The following PTPRD variants were observed in gnomAD, a reference collection of about 807,000 sequenced individuals.
The protein encoded by PTPRD is receptor-type tyrosine-protein phosphatase delta.
A neutral mutation model predicts 214.5 loss-of-function variants in PTPRD; 34 were observed. That is an observed-to-expected ratio of 0.16 (90% confidence interval 0.12 to 0.21). PTPRD has a LOEUF of 0.21. PTPRD is among the 10% of genes least tolerant of loss of function. The pLI, the probability that PTPRD is intolerant of heterozygous loss-of-function variation, is 1.00. For synonymous variants in PTPRD, 1,128 were observed against 845.7 expected (o/e 1.33, Z -5.79); for missense variants, 2,545 against 2,398.7 (o/e 1.06, Z -1.27).
rs574212141 is a variant in PTPRD at position 8,903,639 on chromosome 9, G to A, written c.-104+115058C>T. The stretch of plus-strand genomic sequence containing the variant: ...TTGTAAACCTCCTTAAAATAAAAAC[G>A]AATAAAAATATTTCAATGCTACATA... On this transcript the variant is annotated intron_variant, in intron 11 of 45. Transcript: ENST00000381196. 4.7e-4 allele frequency among the ~76,000 whole-genome samples: 72 copies of A among 152,082 alleles called. No individual in the cohort carries two copies. In the South Asian group the frequency reaches 0.013, roughly 28 times the overall value.
At chr9:9,062,409 A>C (rs1248504638) in intron 10 of PTPRD, among the ~76,000 whole-genome samples, 1 of 152,182 alleles carries the variant, frequency 6.6e-6, no homozygotes, top group African/African-American at 2.4e-5. Flanking sequence ...AGAAATTAAT[A>C]ATTTCTTCAA....
At position 10,563,976 on chromosome 9, in the gene PTPRD, G is replaced by A. The variant is rs1266771102; in HGVS notation, c.-600+48422C>T. Among the ~76,000 whole-genome samples, 3 of 151,408 alleles carry A rather than the reference G, an allele frequency of 2.0e-5. No homozygotes were observed. The East Asian group carries it at 5.8e-4, about 29-fold the overall frequency. ...CCACTTATTTTGAAACATCATCTGTGCCAGTTGTTTCCCCTACCTACATCC... is the reference window on the plus strand; with the variant it reads ...CCACTTATTTTGAAACATCATCTGTACCAGTTGTTTCCCCTACCTACATCC... On this transcript the variant is annotated intron_variant, in intron 2 of 45. Coordinates refer to ENST00000381196, the MANE Select transcript of PTPRD (RefSeq NM_002839.4).
At chr9:9,766,228 A>G (rs1365846153) in intron 6 of PTPRD, among the ~76,000 whole-genome samples, 1 of 152,110 alleles carries the variant, frequency 6.6e-6, no homozygotes, top group Non-Finnish European at 1.5e-5. Context: ...CTTTAATAAC[A>G]TCTTTTTTCA....
At chr9:9,571,908 T>C (rs750125919) in intron 8 of PTPRD, among the ~76,000 whole-genome samples, 57 of 151,150 alleles carry the variant, frequency 3.8e-4, no homozygotes, top group Non-Finnish European at 7.4e-4. Context: ...GTAATAAACA[T>C]AGAACAATGT....
chr9:9,541,141 C>A (rs1189791100), intron 8 of PTPRD, among the ~76,000 whole-genome samples: 2 of 151,756 alleles, frequency 1.3e-5, no homozygotes, highest in Admixed American at 1.3e-4. Flanking sequence ...TATGGTGGCT[C>A]ACTATGAACC....
intron 37 of PTPRD, among the ~76,000 whole-genome samples, chr9:8,378,254 A>G (rs982961920): frequency 1.3e-5 from 2 of 152,034 alleles, no homozygotes; most frequent in Non-Finnish European, 2.9e-5. Context: ...AGATAACAAC[A>G]TAGGGAAATG....
At chr9:8,658,007 T>C (rs2096949041) in intron 12 of PTPRD, among the ~76,000 whole-genome samples, 1 of 152,184 alleles carries the variant, frequency 6.6e-6, no homozygotes, top group Admixed American at 6.5e-5. Flanking sequence ...AGCAGCAAAA[T>C]ATTGCTTGTC....
At chr9:9,344,583 C>T (rs2048117221) in intron 9 of PTPRD, among the ~76,000 whole-genome samples, 1 of 151,856 alleles carries the variant, frequency 6.6e-6, no homozygotes, top group Admixed American at 6.6e-5. Flanking sequence ...TGTGTTCAGC[C>T]TGTATTCATG....
intron 8 of PTPRD, among the ~76,000 whole-genome samples, chr9:9,532,998 G>A (rs986004898): frequency 1.3e-5 from 2 of 152,150 alleles, no homozygotes; most frequent in African/African-American, 4.8e-5. Context: ...AGTGAAGACA[G>A]TGCAGAAGAA....
Position 8,786,069 on chromosome 9 carries a change from G to GTGTGTT in PTPRD, c.-103-52124_-103-52123insAACACA, listed in dbSNP as rs60727355. ...TGTGTGTGTGTGTGTGTGTGTGTGT[G>GTGTGTT]TACCTCATACACATTGTTCACCGCT... On this transcript the variant is annotated intron_variant, in intron 11 of 45. Transcript: ENST00000381196. Among the ~76,000 whole-genome samples, 6 of 150,238 alleles carry GTGTGTT rather than the reference G, an allele frequency of 4.0e-5. No homozygotes were observed. In the South Asian group the frequency reaches 1.0e-3, roughly 26 times the overall value.
At chr9:9,256,127 C>A (rs1284088203) in intron 9 of PTPRD, among the ~76,000 whole-genome samples, 1 of 152,078 alleles carries the variant, frequency 6.6e-6, no homozygotes, top group Non-Finnish European at 1.5e-5. Context: ...AGAAGAAAGG[C>A]AACTTGTATA....
At chr9:9,560,810 C>T (rs1236559700) in intron 8 of PTPRD, among the ~76,000 whole-genome samples, 1 of 152,148 alleles carries the variant, frequency 6.6e-6, no homozygotes, top group Non-Finnish European at 1.5e-5. Flanking sequence ...CTTACTTTCA[C>T]ACTGTCCGCC....
intron 5 of PTPRD, among the ~76,000 whole-genome samples, chr9:9,855,583 A>G (rs533793313): frequency 1.3e-4 from 20 of 152,266 alleles, no homozygotes; most frequent in African/African-American, 4.1e-4. Flanking sequence ...CGCTCTCAAC[A>G]ATTTGACGGA....
At chr9:10,271,894 T>G (rs2094444022) in intron 3 of PTPRD, among the ~76,000 whole-genome samples, 1 of 152,082 alleles carries the variant, frequency 6.6e-6, no homozygotes, top group African/African-American at 2.4e-5. Flanking sequence ...TTTTTAAATT[T>G]TATTTGTCTG....
chr9:10,236,415 G>A (rs2099629049), intron 3 of PTPRD, among the ~76,000 whole-genome samples: 1 of 151,896 alleles, frequency 6.6e-6, no homozygotes, highest in South Asian at 2.1e-4. Context: ...AGGAATGCTT[G>A]GAAGATAATC....
At chr9:8,356,393 A>G (rs1231806863) in intron 39 of PTPRD, among the ~76,000 whole-genome samples, 1 of 152,234 alleles carries the variant, frequency 6.6e-6, no homozygotes, top group African/African-American at 2.4e-5. Flanking sequence ...GCACAGCAAA[A>G]TAGTTTGAAA....
intron 2 of PTPRD, among the ~76,000 whole-genome samples, chr9:10,416,730 C>A (rs187779013): frequency 6.6e-6 from 1 of 151,592 alleles, no homozygotes; most frequent in African/African-American, 2.4e-5. Context: ...TTAAGAGTAT[C>A]TCTGTGGAGA....
chr9:9,906,036 T>C (rs1004008880), intron 5 of PTPRD, among the ~76,000 whole-genome samples: 1 of 151,928 alleles, frequency 6.6e-6, no homozygotes, highest in South Asian at 2.1e-4. Flanking sequence ...CTGAGAAGCA[T>C]GTTGTAAAGC....
intron 6 of PTPRD, among the ~76,000 whole-genome samples, chr9:9,764,479 AC>A (rs1183041700): frequency 6.6e-6 from 1 of 152,236 alleles, no homozygotes; most frequent in East Asian, 1.9e-4. Context: ...AAATATTATC[AC>A]ATGTGCTTAC....
Sources: allele counts gnomAD v4.1 joint callset (sites outside exome capture counted in the v4.1 genomes callset), GRCh38; gene constraint gnomAD v4.1.1; transcripts MANE v1.5; gene names NCBI Gene and HGNC (gene_info 2026-07-23, HGNC 2026-07-21).